The following CNOT6L variants were observed in gnomAD, a reference collection of about 807,000 sequenced individuals.
The protein encoded by CNOT6L is CCR4-NOT transcription complex subunit 6 like, also known as CCR4-NOT transcription complex subunit 6-like.
In CNOT6L, 7 loss-of-function variants were observed where a neutral mutation model predicts 64.0. The observed-to-expected ratio is 0.11, with a 90% CI of 0.06 to 0.21. The LOEUF is 0.21. CNOT6L is among the 10% of genes least tolerant of loss of function. The pLI is 1.00. For synonymous variants in CNOT6L, 193 were observed against 243.4 expected (o/e 0.79, Z 1.93); for missense variants, 245 against 669.0 (o/e 0.37, Z 6.99).
At chr4:77,734,709 A>T (rs1437480294) in intron 8 of CNOT6L, among the ~76,000 whole-genome samples, 1 of 151,986 alleles carries the variant, frequency 6.6e-6, no homozygotes, top group Admixed American at 6.6e-5. Flanking sequence ...CTGAAACTTC[A>T]TTCTATTTAA....
chr4:77,725,208 T>C (rs1303300379), intron 11 of CNOT6L, among the ~76,000 whole-genome samples: 1 of 152,214 alleles, frequency 6.6e-6, no homozygotes, highest in African/African-American at 2.4e-5. Context: ...CACGAATTTC[T>C]TTTCTTCCTC....
At position 77,720,527 on chromosome 4, in the gene CNOT6L, G is replaced by A; in HGVS notation, c.1572C>T (p.His524=). The A allele has an allele frequency of 6.2e-7, 1 of 1,613,542 alleles. No individual in the cohort carries two copies. The highest frequency in any genetic ancestry group is 8.5e-7 in the Non-Finnish European group (1 of 1,179,528). ...ACAGTGAGAAGTGGTCTGAAGGGAT[G>A]TGAGGGTGTGGACACCCAGTGATGT... ...ENNITGCPHP[H]IPSDHFSLLT... Residue 524 remains histidine, a synonymous_variant, in exon 12 of 12, where the codon CAC becomes CAT. Coordinates refer to ENST00000504123, the MANE Select transcript of CNOT6L (RefSeq NM_144571.3).
intron 5 of CNOT6L, among the ~76,000 whole-genome samples, chr4:77,749,837 C>A (rs1724655049): frequency 6.6e-6 from 1 of 152,146 alleles, no homozygotes; most frequent in African/African-American, 2.4e-5. Flanking sequence ...AACAAACTGG[C>A]ATCTTTTAAA....
chr4:77,727,146 G>GT (rs1721947744), intron 10 of CNOT6L, among the ~76,000 whole-genome samples: 2 of 152,148 alleles, frequency 1.3e-5, no homozygotes, highest in African/African-American at 4.8e-5. Flanking sequence ...ATTGTAAATA[G>GT]CTCAGAAGGC....
intron 10 of CNOT6L, 78 bp downstream of exon 10, chr4:77,728,776 A>G: frequency 8.9e-7 from 1 of 1,123,254 alleles, no homozygotes; most frequent in Non-Finnish European, 1.3e-6. Context: ...TATCTACTCA[A>G]AATTTAGGAG....
chr4:77,776,316 C>T lies in CNOT6L; in HGVS notation c.82G>A (p.Val28Ile), dbSNP rs752836467. 31 of 1,611,554 alleles carry T rather than the reference C, an allele frequency of 1.9e-5. No homozygotes were observed. The highest frequency in any genetic ancestry group is 4.1e-4 in the Middle Eastern group (2 of 4,908). The change falls in exon 2 of 12, where the codon GTA becomes ATA. Residue 28 changes from valine to isoleucine, a missense_variant. Transcript: ENST00000504123. ...RIYTIMSAEE[V>I]ANGKKSHWAE... ...CAGTGAGATTTTTTCCCATTGGCTACCTCCTCTGCTGACATGATGGTATAA... is the reference window on the plus strand; with the variant it reads ...CAGTGAGATTTTTTCCCATTGGCTATCTCCTCTGCTGACATGATGGTATAA...
chr4:77,785,976 G>A (rs1729392691), intron 1 of CNOT6L, among the ~76,000 whole-genome samples: 2 of 152,088 alleles, frequency 1.3e-5, no homozygotes, highest in African/African-American at 4.8e-5. Context: ...CATAAGCAAA[G>A]ACACATAAAT....
At chr4:77,763,743 A>G (rs1726498685) in intron 4 of CNOT6L, among the ~76,000 whole-genome samples, 1 of 152,234 alleles carries the variant, frequency 6.6e-6, no homozygotes, top group South Asian at 2.1e-4. Flanking sequence ...CCAATCATAT[A>G]CTATGCCATA....
chr4:77,751,934 G>C (rs958581949), intron 5 of CNOT6L, among the ~76,000 whole-genome samples: 3 of 152,222 alleles, frequency 2.0e-5, no homozygotes, highest in Middle Eastern at 3.2e-3. Flanking sequence ...CACCTTGGAA[G>C]GCTGAGATGG....
At chr4:77,767,291 G>C (rs939412845) in intron 4 of CNOT6L, among the ~76,000 whole-genome samples, 1 of 152,012 alleles carries the variant, frequency 6.6e-6, no homozygotes, top group Non-Finnish European at 1.5e-5. Context: ...GATCCAGACA[G>C]TCAATGAAAT....
intron 1 of CNOT6L, among the ~76,000 whole-genome samples, chr4:77,811,817 C>T (rs1383979566): frequency 6.6e-6 from 1 of 151,288 alleles, no homozygotes. Context: ...ACTTATAGCT[C>T]ACTACTTTCC....
intron 1 of CNOT6L, among the ~76,000 whole-genome samples, chr4:77,804,290 G>T (rs990412602): frequency 6.6e-6 from 1 of 151,918 alleles, no homozygotes; most frequent in Non-Finnish European, 1.5e-5. Context: ...TGAGCCAGGC[G>T]TGGTGGTGGG....
chr4:77,804,574 C>CAGAA (rs1366462078), intron 1 of CNOT6L, among the ~76,000 whole-genome samples: 1 of 151,724 alleles, frequency 6.6e-6, no homozygotes, highest in African/African-American at 2.4e-5. Flanking sequence ...TCCATAGAGA[C>CAGAA]AGAAAGTAGA....
chr4:77,771,330 CA>C (rs368771559), intron 4 of CNOT6L, among the ~76,000 whole-genome samples: 39 of 141,102 alleles, frequency 2.8e-4, no homozygotes, highest in African/African-American at 3.1e-4. Flanking sequence ...AACTCCATCT[CA>C]AAAAAAAAAA....
chr4:77,811,606 C>T (rs1056852629), intron 1 of CNOT6L, among the ~76,000 whole-genome samples: 2 of 152,002 alleles, frequency 1.3e-5, no homozygotes, highest in Non-Finnish European at 2.9e-5. Flanking sequence ...GAAAATCTAG[C>T]CCCTCTTCCT....
intron 4 of CNOT6L, among the ~76,000 whole-genome samples, chr4:77,767,757 T>C (rs566659104): frequency 1.1e-4 from 17 of 151,914 alleles, no homozygotes; most frequent in African/African-American, 3.9e-4. Context: ...GGCAGGTAGA[T>C]CACCTAAGGT....
Position 77,728,651 on chromosome 4 carries a change from T to G in CNOT6L, c.1252+203A>C, listed in dbSNP as rs72864907. ...CCCTAGTGGCAGAGTACTGCATCATTTATTGCTTTGTTTCCCTTAAACCAG... is the reference window on the plus strand; with the variant it reads ...CCCTAGTGGCAGAGTACTGCATCATGTATTGCTTTGTTTCCCTTAAACCAG... On this transcript the variant is annotated intron_variant, in intron 10 of 11. Coordinates refer to ENST00000504123, the MANE Select transcript of CNOT6L (RefSeq NM_144571.3). Among the ~76,000 whole-genome samples the G allele has an allele frequency of 1.8e-3, 274 of 152,294 alleles. 2 individuals carry two copies. The highest frequency in any genetic ancestry group is 5.5e-3 in the African/African-American group (229 of 41,564).
chr4:77,720,924 T>C (rs1380575501), intron 11 of CNOT6L, among the ~76,000 whole-genome samples: 1 of 152,220 alleles, frequency 6.6e-6, no homozygotes, highest in Non-Finnish European at 1.5e-5. Flanking sequence ...ATCTTTAGAA[T>C]TGGCCTGCTT....
intron 8 of CNOT6L, among the ~76,000 whole-genome samples, chr4:77,732,549 A>G (rs781636301): frequency 2.0e-5 from 3 of 152,054 alleles, no homozygotes; most frequent in Non-Finnish European, 2.9e-5. Context: ...GCTGCACTAA[A>G]TGAAGCAATA....
Sources: allele counts gnomAD v4.1 joint callset (sites outside exome capture counted in the v4.1 genomes callset), GRCh38; gene constraint gnomAD v4.1.1; transcripts MANE v1.5; gene names NCBI Gene and HGNC (gene_info 2026-07-23, HGNC 2026-07-21).